Variants in FHIT observed in about 807,000 individuals in gnomAD.
FHIT encodes fragile histidine triad diadenosine triphosphatase.
In FHIT, 19 loss-of-function variants were observed where a neutral mutation model predicts 17.9. That is an observed-to-expected ratio of 1.06 (90% CI 0.74 to 1.56). FHIT has a LOEUF of 1.56. Among genes scored for constraint, FHIT ranks in the 40% most tolerant of loss-of-function variants. The pLI is 0.00. For missense variants in FHIT, 248 were observed against 189.2 expected (o/e 1.31, Z -1.82); for synonymous variants, 81 against 69.7 (o/e 1.16, Z -0.81).
chr3:60,000,875 C>T (rs990647271), intron 7 of FHIT, among the ~76,000 whole-genome samples: 1 of 152,172 alleles, frequency 6.6e-6, no homozygotes, highest in African/African-American at 2.4e-5. Flanking sequence ...TGCCACTCTC[C>T]CTACACTAAA....
chr3:60,344,386 AG>A (rs1710672038), intron 5 of FHIT, among the ~76,000 whole-genome samples: 1 of 152,228 alleles, frequency 6.6e-6, no homozygotes, highest in African/African-American at 2.4e-5. Flanking sequence ...GCTAATGCAT[AG>A]AAATACTTGT....
intron 5 of FHIT, among the ~76,000 whole-genome samples, chr3:60,054,695 T>C (rs1022558492): frequency 6.6e-6 from 1 of 152,190 alleles, no homozygotes; most frequent in East Asian, 1.9e-4. Context: ...TACTAGATGT[T>C]AGGTGCTGGG....
intron 8 of FHIT, among the ~76,000 whole-genome samples, chr3:59,885,962 G>A (rs911990778): frequency 2.6e-5 from 4 of 152,134 alleles, no homozygotes; most frequent in African/African-American, 7.2e-5. Flanking sequence ...CTAATGCCAG[G>A]CAATCCCTTG....
intron 5 of FHIT, among the ~76,000 whole-genome samples, chr3:60,433,940 T>A (rs1300413562): frequency 1.3e-5 from 2 of 152,138 alleles, no homozygotes; most frequent in Admixed American, 6.6e-5. Flanking sequence ...CAATTGTCTA[T>A]TTTTGGTGCC....
At chr3:61,036,937 A>C (rs1575883604) in intron 3 of FHIT, among the ~76,000 whole-genome samples, 2 of 128,690 alleles carry the variant, frequency 1.6e-5, no homozygotes, top group African/African-American at 6.4e-5. Context: ...TTTGAGATGG[A>C]GTCTCGCTCT....
intron 5 of FHIT, among the ~76,000 whole-genome samples, chr3:60,130,918 TACA>T (rs1699539180): frequency 7.1e-6 from 1 of 140,844 alleles, no homozygotes; most frequent in Non-Finnish European, 1.6e-5. Context: ...CATATATGTA[TACA>T]TACATATATG....
chr3:60,784,259 CG>C (rs1416424316), intron 4 of FHIT, among the ~76,000 whole-genome samples: 1 of 152,038 alleles, frequency 6.6e-6, no homozygotes. Context: ...TAAGAGGCCC[CG>C]GACAGCTGTG....
chr3:60,437,508 C>T (rs1002248778), intron 5 of FHIT, among the ~76,000 whole-genome samples: 1 of 152,074 alleles, frequency 6.6e-6, no homozygotes, highest in African/African-American at 2.4e-5. Context: ...ATCATCACTA[C>T]TGTGTATTAA....
At chr3:60,617,182 A>C (rs939054636) in intron 4 of FHIT, 1 of 203,496 alleles carries the variant, frequency 4.9e-6, no homozygotes, top group African/African-American at 2.3e-5. Context: ...ACTAAAAGCT[A>C]TAACACACAC....
intron 2 of FHIT, among the ~76,000 whole-genome samples, chr3:61,101,362 G>T (rs1012116757): frequency 2.6e-5 from 4 of 152,170 alleles, no homozygotes; most frequent in Non-Finnish European, 5.9e-5. Flanking sequence ...TCAAAGATCA[G>T]ATGGTTGTAG....
At chr3:61,037,396 A>G (rs1272921710) in intron 3 of FHIT, among the ~76,000 whole-genome samples, 2 of 152,154 alleles carry the variant, frequency 1.3e-5, no homozygotes, top group Non-Finnish European at 2.9e-5. Flanking sequence ...TGTTTCCCAA[A>G]GCCTGGCACA....
chr3:60,066,683 G>C (rs931443450), intron 5 of FHIT, among the ~76,000 whole-genome samples: 3 of 75,300 alleles, frequency 4.0e-5, no homozygotes, highest in African/African-American at 8.8e-5. Flanking sequence ...TTGAGATGGA[G>C]TCTTGCTCTG....
intron 5 of FHIT, among the ~76,000 whole-genome samples, chr3:60,037,212 T>C (rs934281766): frequency 6.6e-6 from 1 of 152,202 alleles, no homozygotes; most frequent in African/African-American, 2.4e-5. Context: ...TATCATGCAC[T>C]CTTTTTATTT....
At chr3:61,150,078 A>G (rs1354340963) in intron 2 of FHIT, among the ~76,000 whole-genome samples, 1 of 152,088 alleles carries the variant, frequency 6.6e-6, no homozygotes. Flanking sequence ...ATTGTTGAAA[A>G]TCTTCCATAT....
chr3:60,355,277 T>A (rs1699599548), intron 5 of FHIT, among the ~76,000 whole-genome samples: 1 of 152,216 alleles, frequency 6.6e-6, no homozygotes, highest in South Asian at 2.1e-4. Context: ...TAGCAATTCT[T>A]AGCTGTCATG....
chr3:60,784,268 G>A (rs1465602240), intron 4 of FHIT, among the ~76,000 whole-genome samples: 1 of 152,054 alleles, frequency 6.6e-6, no homozygotes. Flanking sequence ...CCGGACAGCT[G>A]TGTCCATCCT....
In FHIT at chr3:59,929,237, T is replaced by C. The variant is rs536505057; in HGVS notation, c.280-6823A>G. Among the ~76,000 whole-genome samples the C allele has an allele frequency of 1.8e-4, 27 of 152,078 alleles. 1 individual carries two copies. The South Asian group carries it at 4.8e-3, about 27-fold the overall frequency. On this transcript the variant is annotated intron_variant, in intron 7 of 9. Transcript: ENST00000492590. ...CAGATGCCTTGATATTTTTAATGCA[T>C]AGTTTACACATTTTTCTTATCTCTA...
At chr3:60,297,420 G>A (rs1708260914) in intron 5 of FHIT, among the ~76,000 whole-genome samples, 1 of 151,708 alleles carries the variant, frequency 6.6e-6, no homozygotes, top group African/African-American at 2.4e-5. Context: ...TTTTTATTTG[G>A]TATCTATCTG....
intron 5 of FHIT, among the ~76,000 whole-genome samples, chr3:60,534,122 T>C (rs1396865467): frequency 6.6e-6 from 1 of 151,870 alleles, no homozygotes; most frequent in African/African-American, 2.4e-5. Context: ...AGCAAAGGAG[T>C]ACCTTATTAA....
Sources: gnomAD v4.1 joint callset for allele counts (sites outside exome capture counted in the v4.1 genomes callset) on GRCh38, gnomAD v4.1.1 for gene constraint, MANE v1.5 for transcripts, NCBI Gene and HGNC (gene_info 2026-07-23, HGNC 2026-07-21) for gene names.